Variants in NAMPT observed in about 807,000 individuals in gnomAD.
NAMPT encodes NAmPRTase.
Under a neutral mutation model 58.7 loss-of-function variants are expected in NAMPT, and 7 were observed. The ratio of observed to expected loss-of-function variants is 0.12; its 90% CI spans 0.07 to 0.22. NAMPT has a LOEUF of 0.22. Ranked by LOEUF, NAMPT falls within the 10% of genes least tolerant of loss-of-function variation. The pLI, the probability that NAMPT is intolerant of heterozygous loss-of-function variation, is 1.00. For synonymous variants in NAMPT, 145 were observed against 198.1 expected (o/e 0.73, Z 2.25); for missense variants, 271 against 567.9 (o/e 0.48, Z 5.31).
At chr7:106,253,265 A>G (rs568743436) in intron 9 of NAMPT, 114 bp from the exon 10 acceptor site, 3 of 1,139,212 alleles carry the variant, frequency 2.6e-6, no homozygotes, top group Admixed American at 2.6e-5. Context: ...TAAGCACTTA[A>G]TAGGTATAAC....
At chr7:106,282,221 T>G (rs1409920736) in intron 1 of NAMPT, among the ~76,000 whole-genome samples, 1 of 152,072 alleles carries the variant, frequency 6.6e-6, no homozygotes, top group Non-Finnish European at 1.5e-5. Flanking sequence ...ATTTTCTTTT[T>G]TTTTGAAAAA....
intron 8 of NAMPT, among the ~76,000 whole-genome samples, chr7:106,256,656 T>C (rs1792205426): frequency 6.6e-6 from 1 of 152,172 alleles, no homozygotes; most frequent in Admixed American, 6.5e-5. Context: ...TACTATAAAA[T>C]AGGTTTTGTG....
At chr7:106,252,546 A>G (rs1037231650) in intron 10 of NAMPT, among the ~76,000 whole-genome samples, 2 of 152,032 alleles carry the variant, frequency 1.3e-5, no homozygotes, top group African/African-American at 2.4e-5. Flanking sequence ...AAAACCAAAA[A>G]TTTTTTAACT....
intron 7 of NAMPT, 23 bp downstream of exon 7, chr7:106,263,369 T>C: frequency 6.6e-7 from 1 of 1,523,360 alleles, no homozygotes; most frequent in Non-Finnish European, 9.1e-7. Context: ...ATTCTAATAA[T>C]AAAGTTACAT....
chr7:106,253,238 A>C, intron 9 of NAMPT, 87 bp from the exon 10 acceptor site: 1 of 1,434,788 alleles, frequency 7.0e-7, no homozygotes, highest in Non-Finnish European at 9.5e-7. Context: ...GCACATACAT[A>C]ATTTACATTT....
chr7:106,274,836 CAG>C, intron 3 of NAMPT, 108 bp downstream of exon 3: 1 of 683,634 alleles, frequency 1.5e-6, no homozygotes, highest in Non-Finnish European at 2.5e-6. Context: ...GCCTGGGTGA[CAG>C]AGTGACACTT....
chr7:106,256,846 T>C (rs1488841955), intron 8 of NAMPT, among the ~76,000 whole-genome samples: 1 of 152,156 alleles, frequency 6.6e-6, no homozygotes, highest in Non-Finnish European at 1.5e-5. Flanking sequence ...ACATCTGTAT[T>C]ATCCTTTAGG....
intron 4 of NAMPT, chr7:106,272,208 G>C: frequency 3.6e-6 from 1 of 279,932 alleles, no homozygotes; most frequent in Non-Finnish European, 7.4e-6. Flanking sequence ...TAAGTTACTA[G>C]AAATGTGCTG....
chr7:106,273,612 T>C (rs1199820386), intron 3 of NAMPT, among the ~76,000 whole-genome samples: 1 of 152,178 alleles, frequency 6.6e-6, no homozygotes, highest in African/African-American at 2.4e-5. Flanking sequence ...AGAGAACCTT[T>C]AGTTCCCCAA....
chr7:106,249,073 C>A lies in NAMPT; in HGVS notation c.*2010G>T, dbSNP rs1052312039. ...ACAAAATTATGGGTGATTATCAAAA[C>A]TATTATTGGTAATAGTTTCTTTTGA... is the stretch of plus-strand genomic sequence containing the variant. On this transcript the variant is annotated 3_prime_UTR_variant, in exon 11 of 11. Transcript: ENST00000222553. 6.6e-6 allele frequency: 1 copy of A among 152,210 alleles called. No individual in the cohort carries two copies. The highest frequency in any genetic ancestry group is 1.5e-5 in the Non-Finnish European group (1 of 67,966). The allele number at this position is 152,210 out of a possible 1,614,324, so 9.4% of individuals were successfully genotyped here.
At chr7:106,285,095 T>G (rs962914304), upstream of NAMPT, 10 of 1,351,630 alleles carry the variant, frequency 7.4e-6, no homozygotes, top group Admixed American at 8.9e-5. Context: ...GCGGCTCGCG[T>G]GCTCGCAGTC....
chr7:106,260,454 T>C (rs1351284930), intron 8 of NAMPT, among the ~76,000 whole-genome samples: 2 of 152,270 alleles, frequency 1.3e-5, no homozygotes, highest in Non-Finnish European at 2.9e-5. Context: ...TGTGGTTGCT[T>C]TGATCTTCTA....
intron 4 of NAMPT, chr7:106,270,397 T>C (rs925780166): frequency 3.8e-6 from 1 of 260,900 alleles, no homozygotes; most frequent in Non-Finnish European, 8.7e-6. Flanking sequence ...AGCTAAGTGA[T>C]ATATAAATAA....
chr7:106,284,891 C>T lies in NAMPT; in HGVS notation c.-7G>A, dbSNP rs755381666. ...CTTCTGCCGCAGGATTCATCTCGGG[C>T]CGGAGGACAGGGGCCGCGCGCCGCG... On this transcript the variant is annotated 5_prime_UTR_variant, in exon 1 of 11. Transcript: ENST00000222553. 8 of 1,583,016 alleles carry T rather than the reference C, an allele frequency of 5.1e-6. No individual in the cohort carries two copies. The highest frequency in any genetic ancestry group is 5.2e-6 in the Non-Finnish European group (6 of 1,163,730).
At chr7:106,266,797 G>A (rs1404658724) in intron 6 of NAMPT, among the ~76,000 whole-genome samples, 1 of 152,118 alleles carries the variant, frequency 6.6e-6, no homozygotes, top group Non-Finnish European at 1.5e-5. Context: ...AGTCCCCTAA[G>A]ATATTTATCT....
At chr7:106,251,950 G>A (rs1461410021) in intron 10 of NAMPT, among the ~76,000 whole-genome samples, 2 of 151,540 alleles carry the variant, frequency 1.3e-5, no homozygotes, top group African/African-American at 4.9e-5. Context: ...CACCTAGTCT[G>A]AAGATTGAGG....
chr7:106,276,887 C>A, intron 2 of NAMPT, 136 bp downstream of exon 2: 3 of 680,182 alleles, frequency 4.4e-6, no homozygotes, highest in Non-Finnish European at 7.3e-6. Context: ...TTTTCTCATA[C>A]TTAGAACATC....
upstream of NAMPT, chr7:106,285,038 A>T: frequency 7.3e-7 from 1 of 1,379,056 alleles, no homozygotes; most frequent in East Asian, 2.8e-5. Context: ...GAGGGGTCAG[A>T]GGAGGGCGGG....
intron 7 of NAMPT, among the ~76,000 whole-genome samples, chr7:106,263,003 A>G (rs963391843): frequency 6.6e-6 from 1 of 152,176 alleles, no homozygotes; most frequent in African/African-American, 2.4e-5. Flanking sequence ...ATTCCACATC[A>G]CCCTGTTCCT....
Sources: allele counts gnomAD v4.1 joint callset (sites outside exome capture counted in the v4.1 genomes callset), GRCh38; gene constraint gnomAD v4.1.1; transcripts MANE v1.5; gene names NCBI Gene and HGNC (gene_info 2026-07-23, HGNC 2026-07-21).